FEZ1: variants seen among roughly 807,000 people sequenced by gnomAD.
FEZ1 encodes fasciculation and elongation protein zeta-1.
Under a neutral mutation model 49.3 loss-of-function variants are expected in FEZ1, and 20 were observed. That is an observed-to-expected ratio of 0.41 (90% CI 0.29 to 0.59). FEZ1 has a LOEUF of 0.59. Ranked by LOEUF, FEZ1 falls within the 20% of genes least tolerant of loss-of-function variation. FEZ1 has a pLI of 0.36. For synonymous variants in FEZ1, 170 were observed against 180.9 expected (o/e 0.94, Z 0.48); for missense variants, 413 against 476.0 (o/e 0.87, Z 1.23).
At chr11:125,465,935 C>T (rs1957125583) in intron 3 of FEZ1, among the ~76,000 whole-genome samples, 1 of 152,214 alleles carries the variant, frequency 6.6e-6, no homozygotes, top group Admixed American at 6.5e-5. Context: ...CCTTCCCTCC[C>T]CTCCTTGACC....
chr11:125,457,160 GCAA>G (rs59557724), intron 5 of FEZ1, among the ~76,000 whole-genome samples: 95,794 of 150,302 alleles, frequency 0.64, 30,577 homozygotes, highest in East Asian at 0.72. Context: ...TCTAGCCTGG[GCAA>G]CAACAAGAGC....
Position 125,455,915 on chromosome 11 carries a change from G to C in FEZ1, c.859C>G (p.Leu287Val), listed in dbSNP as rs1957006242. ...TTCTCTTTCCGCCTCTTTTTCATCA[G>C]TTCTCGCTGCTCCTTCTGCTTGTTC... ...VQNKQKEQRE[L>V]MKKRRKEKGL... The change falls in exon 6 of 10, where the codon CTG (leucine) becomes GTG (valine). Residue 287 changes from leucine to valine, a missense_variant. Coordinates refer to ENST00000278919, the MANE Select transcript of FEZ1 (RefSeq NM_005103.5). 3 of 1,613,430 alleles carry C rather than the reference G, an allele frequency of 1.9e-6. No homozygotes were observed. Among genetic ancestry groups the C allele is most frequent in the Non-Finnish European group, 2.5e-6 (3 of 1,179,928 alleles).
chr11:125,455,623 ACT>A (rs1957002373), intron 6 of FEZ1: 1 of 640,678 alleles, frequency 1.6e-6, no homozygotes, highest in Non-Finnish European at 2.8e-6. Flanking sequence ...TAATGTACAC[ACT>A]GTCTTCCTGG....
chr11:125,486,345 C>T (rs776531728), intron 2 of FEZ1, among the ~76,000 whole-genome samples: 1 of 152,152 alleles, frequency 6.6e-6, no homozygotes, highest in African/African-American at 2.4e-5. Context: ...CCCTAAGAGG[C>T]TGTGACCTCC....
chr11:125,477,285 A>G (rs1445487156), intron 3 of FEZ1, among the ~76,000 whole-genome samples: 1 of 151,664 alleles, frequency 6.6e-6, no homozygotes. Context: ...ACTTGAGATC[A>G]GAAGTTCAAG....
intron 1 of FEZ1, among the ~76,000 whole-genome samples, chr11:125,494,237 G>A (rs1472619796): frequency 1.3e-5 from 2 of 152,332 alleles, no homozygotes; most frequent in Middle Eastern, 3.4e-3. Context: ...TCAGGCTGTG[G>A]CACAGATGAG....
intron 5 of FEZ1, among the ~76,000 whole-genome samples, chr11:125,457,656 G>A (rs866690721): frequency 2.0e-5 from 3 of 151,586 alleles, no homozygotes; most frequent in Admixed American, 6.6e-5. Context: ...GGGTACATAG[G>A]GGGTGTATGT....
rs375292164 is a variant in FEZ1 at position 125,460,677 on chromosome 11, T to C, written c.499-11A>G. On this transcript the variant is annotated splice_polypyrimidine_tract_variant and intron_variant, in intron 4 of 9. Coordinates refer to ENST00000278919, the MANE Select transcript of FEZ1 (RefSeq NM_005103.5). ...AATCTCCTCAATTACCTGAAGAAGG[T>C]ACACGAGAGAGTGCTAACTCTGTTC... 2.0e-5 allele frequency: 33 copies of C among 1,612,300 alleles called. No homozygotes were observed. The African/African-American group carries it at 4.0e-4, about 20-fold the overall frequency.
At chr11:125,485,665 G>T (rs1957320111) in intron 2 of FEZ1, among the ~76,000 whole-genome samples, 1 of 152,064 alleles carries the variant, frequency 6.6e-6, no homozygotes, top group Non-Finnish European at 1.5e-5. Flanking sequence ...GCTGGGCGTG[G>T]TGGCTCACGC....
chr11:125,456,541 A>T (rs1455852397), intron 5 of FEZ1, among the ~76,000 whole-genome samples: 2 of 152,210 alleles, frequency 1.3e-5, no homozygotes, highest in African/African-American at 4.8e-5. Flanking sequence ...ACTGATCAAG[A>T]TATAGCATAC....
chr11:125,471,270 G>A (rs997754855), intron 3 of FEZ1, among the ~76,000 whole-genome samples: 1 of 152,060 alleles, frequency 6.6e-6, no homozygotes, highest in Non-Finnish European at 1.5e-5. Context: ...TATGCCAAAT[G>A]TCAATGGACT....
At chr11:125,480,142 G>A (rs1010853393) in intron 3 of FEZ1, among the ~76,000 whole-genome samples, 5 of 152,212 alleles carry the variant, frequency 3.3e-5, no homozygotes, top group East Asian at 1.9e-4. Flanking sequence ...TTGAGAGTCC[G>A]AGTTGGGTGG....
intron 8 of FEZ1, among the ~76,000 whole-genome samples, chr11:125,449,417 T>TAAAAAAAAAAAAAAAAAAAAAAAA (rs35920814): frequency 3.7e-5 from 1 of 27,014 alleles, no homozygotes; most frequent in Non-Finnish European, 6.1e-5. Flanking sequence ...TTTGTCTCTA[T>TAAAAAAAAAAAAAAAAAAAAAAAA]AAAAAAAAAA....
intron 3 of FEZ1, among the ~76,000 whole-genome samples, chr11:125,466,131 T>C (rs1318875309): frequency 1.3e-5 from 2 of 152,268 alleles, no homozygotes; most frequent in East Asian, 1.9e-4. Flanking sequence ...GGAAGATACA[T>C]GTCAAAAATA....
intron 1 of FEZ1, among the ~76,000 whole-genome samples, chr11:125,493,475 AAAGAAG>A (rs1957417939): frequency 2.5e-5 from 2 of 81,072 alleles, no homozygotes; most frequent in Admixed American, 1.2e-4. Flanking sequence ...GGAAAGAAGG[AAAGAAG>A]GAAAGAAGGA....
In FEZ1 at chr11:125,456,099, C is replaced by T. The variant is rs143250446; in HGVS notation, c.675G>A (p.Arg225=). 2.7e-5 allele frequency: 43 copies of T among 1,592,634 alleles called. No individual in the cohort carries two copies. In the Middle Eastern group the frequency reaches 6.7e-4, roughly 25 times the overall value. The change falls in exon 6 of 10, where the codon AGG becomes AGA. Residue 225 remains arginine, a synonymous_variant. Coordinates refer to ENST00000278919, the MANE Select transcript of FEZ1 (RefSeq NM_005103.5). ...FNNNWSYEGL[R]HMSGSELTEL... is the part of the protein sequence containing the mutation. Reference sequence around the variant, plus strand: ...CGGTCAGCTCAGACCCAGACATGTGCCTCAGCCCTGCAGGGGAAGACCGTC... The same window carrying T: ...CGGTCAGCTCAGACCCAGACATGTGTCTCAGCCCTGCAGGGGAAGACCGTC...
At chr11:125,494,018 GAC>G in intron 1 of FEZ1, among the ~76,000 whole-genome samples, 1 of 152,238 alleles carries the variant, frequency 6.6e-6, no homozygotes, top group Non-Finnish European at 1.5e-5. Flanking sequence ...AATTATAAAA[GAC>G]GAAATGAATA....
Position 125,489,746 on chromosome 11 carries a change from T to A in FEZ1, c.32A>T (p.Glu11Val). MEAPLVSLDE[E>V]FEDLRPSCSE... Reference sequence around the variant, plus strand: ...GCAGGAGGGTCGAAGGTCCTCAAACTCTTCATCCAGACTCACCAGTGGGGC... The same window carrying A: ...GCAGGAGGGTCGAAGGTCCTCAAACACTTCATCCAGACTCACCAGTGGGGC... Residue 11 changes from glutamate (E) to valine (V), a missense_variant, in exon 2 of 10, where the codon GAG (glutamate) becomes GTG (valine). Physicochemically the swap from Glu to Val is moderately radical, Grantham distance 121 (BLOSUM62 -2). Transcript: ENST00000278919. The surrounding 1 kb of genome is among the most constrained non-coding windows in gnomAD (Gnocchi z 4.2). The A allele has an allele frequency of 6.4e-7, 1 of 1,572,172 alleles. No homozygotes were observed. Among genetic ancestry groups the A allele is most frequent in the Non-Finnish European group, 8.6e-7 (1 of 1,159,542 alleles).
Position 125,455,818 on chromosome 11 carries a change from C to A in FEZ1, c.939+17G>T, listed in dbSNP as rs148660822. The A allele has an allele frequency of 6.2e-7, 1 of 1,613,900 alleles. No individual in the cohort carries two copies. On this transcript the variant is annotated intron_variant, in intron 6 of 9. Coordinates refer to ENST00000278919, the MANE Select transcript of FEZ1 (RefSeq NM_005103.5). ...GAGGTTGGAGGCACCCAGTCTTCCA[C>A]CTGGTTGTTCACCTACCTTGAGAGG...
Sources: gnomAD v4.1 joint callset for allele counts (sites outside exome capture counted in the v4.1 genomes callset) on GRCh38, gnomAD v4.1.1 for gene constraint, Gnocchi (gnomAD v3.1) non-coding constraint, MANE v1.5 for transcripts, NCBI Gene and HGNC (gene_info 2026-07-23, HGNC 2026-07-21) for gene names.